ARHGAP35: variants seen among roughly 807,000 people sequenced by gnomAD.
The protein encoded by ARHGAP35 is rho GTPase-activating protein 35.
Under a neutral mutation model 111.1 loss-of-function variants are expected in ARHGAP35, and 15 were observed. The ratio of observed to expected loss-of-function variants is 0.13; its 90% CI spans 0.09 to 0.21. The LOEUF is 0.21. ARHGAP35 is among the 10% of genes least tolerant of loss of function. The pLI, the probability that ARHGAP35 is intolerant of heterozygous loss-of-function variation, is 1.00. For missense variants in ARHGAP35, 1,262 were observed against 1,873.0 expected (o/e 0.67, Z 6.02); for synonymous variants, 643 against 710.3 (o/e 0.91, Z 1.51).
chr19:46,865,441 G>C (rs1413282262), intron 1 of ARHGAP35, among the ~76,000 whole-genome samples: 2 of 152,178 alleles, frequency 1.3e-5, no homozygotes, highest in East Asian at 1.9e-4. Context: ...ATTTAGAACA[G>C]TGACAAATCA....
At chr19:46,980,883 A>C (rs1209397249) in intron 3 of ARHGAP35, among the ~76,000 whole-genome samples, 1 of 152,296 alleles carries the variant, frequency 6.6e-6, no homozygotes, top group Admixed American at 6.5e-5. Context: ...CTAAGATCTC[A>C]TTAAATACAT....
At chr19:46,932,481 G>A (rs2056278615) in intron 2 of ARHGAP35, among the ~76,000 whole-genome samples, 1 of 152,126 alleles carries the variant, frequency 6.6e-6, no homozygotes, top group African/African-American at 2.4e-5. Context: ...CCTGAAGAGT[G>A]ACACACGTCT....
At chr19:46,863,399 C>G (rs558328346) in intron 1 of ARHGAP35, among the ~76,000 whole-genome samples, 1 of 152,288 alleles carries the variant, frequency 6.6e-6, no homozygotes, top group South Asian at 2.1e-4. Context: ...CCCCCACTTC[C>G]ACTAGGTTAG....
At chr19:46,865,062 T>G (rs1350246035) in intron 1 of ARHGAP35, among the ~76,000 whole-genome samples, 1 of 152,248 alleles carries the variant, frequency 6.6e-6, no homozygotes, top group Non-Finnish European at 1.5e-5. Flanking sequence ...CCGATGTTCT[T>G]AAAGACTGTC....
intron 1 of ARHGAP35, among the ~76,000 whole-genome samples, chr19:46,865,891 A>G (rs2055853335): frequency 6.6e-6 from 1 of 152,168 alleles, no homozygotes; most frequent in South Asian, 2.1e-4. Flanking sequence ...CCCAGGCTGG[A>G]GTGCAATGGC....
intron 3 of ARHGAP35, among the ~76,000 whole-genome samples, chr19:46,961,905 G>A (rs1276756074): frequency 6.6e-6 from 1 of 152,068 alleles, no homozygotes; most frequent in African/African-American, 2.4e-5. Context: ...CCTCCAGCCT[G>A]TGTGACAGAG....
chr19:46,922,315 C>A lies in ARHGAP35; in HGVS notation c.3640C>A (p.Arg1214=). ...VIPYETDEDP[R]RRNILRSLRR... ...TCCATACGAAACAGACGAAGACCCG[C>A]GGAGGAGGAATATTCTTCGCAGCCT... is the stretch of plus-strand genomic sequence containing the variant. The change falls in exon 2 of 7, where the codon CGG becomes AGG. Residue 1214 remains arginine (R), a synonymous_variant. Transcript: ENST00000672722. The surrounding 1 kb of genome is among the most constrained non-coding windows in gnomAD (Gnocchi z 4.0). The A allele has an allele frequency of 6.2e-7, 1 of 1,611,724 alleles. No individual in the cohort carries two copies. The highest frequency in any genetic ancestry group is 8.5e-7 in the Non-Finnish European group (1 of 1,178,890).
intron 1 of ARHGAP35, among the ~76,000 whole-genome samples, chr19:46,874,925 C>T (rs1227101141): frequency 2.0e-5 from 3 of 150,990 alleles, no homozygotes; most frequent in Non-Finnish European, 4.4e-5. Flanking sequence ...GGTTCTCCTG[C>T]CTCAGCCTCC....
intron 3 of ARHGAP35, among the ~76,000 whole-genome samples, chr19:46,973,735 C>T (rs925997925): frequency 1.3e-5 from 2 of 150,576 alleles, no homozygotes; most frequent in African/African-American, 4.9e-5. Context: ...TGTCTGTAAT[C>T]CCAGCACTTT....
chr19:46,912,049 T>TA (rs1470122844), intron 1 of ARHGAP35, among the ~76,000 whole-genome samples: 1 of 151,598 alleles, frequency 6.6e-6, no homozygotes, highest in African/African-American at 2.4e-5. Context: ...TCTTTTCTTT[T>TA]TTTTTTTTTT....
Position 46,986,127 on chromosome 19 carries a change from A to T in ARHGAP35, c.3827-1862A>T, listed in dbSNP as rs1472987492. On this transcript the variant is annotated intron_variant, in intron 3 of 6. Transcript: ENST00000672722. This position sits in a 1 kb window ranked among gnomAD's most constrained non-coding sequence, Gnocchi z 4.3. ...CAAAGCCAGTCTTCAGAAGGGACCC[A>T]GGGTTGCTTTAGCCATGAGACCCCA... Among the ~76,000 whole-genome samples, 1 of 152,172 alleles carries T rather than the reference A, an allele frequency of 6.6e-6. No individual in the cohort carries two copies. The highest frequency in any genetic ancestry group is 1.5e-5 in the Non-Finnish European group (1 of 68,012).
rs1329874246 is a variant in ARHGAP35 at position 46,999,030 on chromosome 19, G to A, written c.4037-274G>A. Reference sequence around the variant, plus strand: ...TGTTCTTTATGGCGGAGTGTCTCCAGATTGTTCTGTCTTGGGTGGTGGGGG... The same window carrying A: ...TGTTCTTTATGGCGGAGTGTCTCCAAATTGTTCTGTCTTGGGTGGTGGGGG... On this transcript the variant is annotated intron_variant, in intron 5 of 6. Transcript: ENST00000672722. The surrounding 1 kb of genome is among the most constrained non-coding windows in gnomAD (Gnocchi z 5.4). The A allele has an allele frequency of 2.8e-5, 12 of 423,208 alleles. No individual in the cohort carries two copies. Among genetic ancestry groups the A allele is most frequent in the Non-Finnish European group, 5.0e-5 (12 of 237,790 alleles). 26.2% of individuals were successfully genotyped at this position (423,208 alleles called of 1,614,324 possible).
chr19:46,893,688 T>A (rs1327352895), intron 1 of ARHGAP35, among the ~76,000 whole-genome samples: 1 of 152,020 alleles, frequency 6.6e-6, no homozygotes, highest in Non-Finnish European at 1.5e-5. Flanking sequence ...AATAGGAGTA[T>A]GAACTAATGA....
intron 2 of ARHGAP35, among the ~76,000 whole-genome samples, chr19:46,929,590 T>A (rs1317527423): frequency 7.3e-6 from 1 of 136,094 alleles, no homozygotes; most frequent in Admixed American, 7.2e-5. Context: ...TACCTGTTAC[T>A]CTTTTTTTTT....
intron 3 of ARHGAP35, among the ~76,000 whole-genome samples, chr19:46,984,783 C>CA (rs1438082726): frequency 1.3e-5 from 2 of 152,232 alleles, no homozygotes; most frequent in East Asian, 3.8e-4. Context: ...AGTGAAGTTT[C>CA]AGCAGGTCCA....
chr19:46,870,140 G>C (rs531898098), intron 1 of ARHGAP35, among the ~76,000 whole-genome samples: 2 of 151,388 alleles, frequency 1.3e-5, no homozygotes, highest in Admixed American at 6.6e-5. Context: ...TAGTAGAGAC[G>C]GGGTTTCACT....
chr19:46,893,501 A>C (rs903221184), intron 1 of ARHGAP35, among the ~76,000 whole-genome samples: 1 of 152,048 alleles, frequency 6.6e-6, no homozygotes, highest in East Asian at 1.9e-4. Context: ...TGATTCTGTC[A>C]TCTGAAGAAT....
intron 2 of ARHGAP35, among the ~76,000 whole-genome samples, chr19:46,924,823 T>G (rs974078629): frequency 6.6e-6 from 1 of 152,242 alleles, no homozygotes; most frequent in African/African-American, 2.4e-5. Context: ...GGTGGCATAA[T>G]AGCATACTGA....
Position 46,918,672 on chromosome 19 carries a change from G to T in ARHGAP35, c.-4G>T. The T allele has an allele frequency of 6.2e-7, 1 of 1,609,770 alleles. No individual in the cohort carries two copies. The highest frequency in any genetic ancestry group is 1.1e-5 in the South Asian group (1 of 90,548). ...GTGGCTGATCGTGGCAGGATGTGTC[G>T]ACGATGATGATGGCAAGAAAGCAAG... On this transcript the variant is annotated 5_prime_UTR_variant, in exon 2 of 7. Transcript: ENST00000672722. The surrounding 1 kb of genome is among the most constrained non-coding windows in gnomAD (Gnocchi z 5.4).
Sources: allele counts gnomAD v4.1 joint callset (sites outside exome capture counted in the v4.1 genomes callset), GRCh38; gene constraint gnomAD v4.1.1; non-coding constraint Gnocchi (gnomAD v3.1); transcripts MANE v1.5; gene names NCBI Gene and HGNC (gene_info 2026-07-23, HGNC 2026-07-21).